CACNA1B: variants seen among roughly 807,000 people sequenced by gnomAD.
CACNA1B encodes calcium voltage-gated channel subunit alpha1 B, also known as voltage-dependent N-type calcium channel subunit alpha-1B.
In CACNA1B, 70 loss-of-function variants were observed where a neutral mutation model predicts 247.2. That is an observed-to-expected ratio of 0.28 (90% confidence interval 0.23 to 0.35). The LOEUF (loss-of-function observed/expected upper bound fraction) is 0.35, where lower values mean the gene tolerates loss of function less well. Ranked by LOEUF, CACNA1B falls within the 10% of genes least tolerant of loss-of-function variation. The pLI is 1.00. For synonymous variants in CACNA1B, 1,231 were observed against 1,294.4 expected, an observed-to-expected ratio of 0.95 and a Z score of 1.05; for missense variants, 2,367 against 3,197.4, an observed-to-expected ratio of 0.74 and a Z score of 6.26.
At position 138,047,426 on chromosome 9, in the gene CACNA1B, A is replaced by G; in HGVS notation, c.3571A>G (p.Thr1191Ala). 1 of 1,612,258 alleles carries G rather than the reference A, an allele frequency of 6.2e-7. No individual in the cohort carries two copies. The highest frequency in any genetic ancestry group is 8.5e-7 in the Non-Finnish European group (1 of 1,178,406). Residue 1191 changes from threonine (T) to alanine (A), a missense_variant, in exon 23 of 47, where the codon ACT becomes GCT. This residue lies in a region of CACNA1B where 436 missense variants were observed against 679.5 expected (regional missense o/e 0.64). Coordinates refer to ENST00000371372, the MANE Select transcript of CACNA1B (RefSeq NM_000718.4). ...TCTGAAATACCTGGATTACATTTTC[A>G]CTGGTGTCTTTACCTTTGAGATGGT... ...NALKYLDYIF[T>A]GVFTFEMVIK...
In CACNA1B at chr9:137,952,513, G is replaced by A. The variant is rs969020816; in HGVS notation, c.1070+136G>A. 3 of 699,518 alleles carry A rather than the reference G, an allele frequency of 4.3e-6. No homozygotes were observed. Among genetic ancestry groups the A allele is most frequent in the African/African-American group, 1.8e-5 (1 of 56,934 alleles). 43.3% of individuals were successfully genotyped at this position (699,518 alleles called of 1,614,324 possible). A position where few individuals can be genotyped will look rare whatever the true frequency, so the allele number is the denominator to read the frequency against. The stretch of plus-strand genomic sequence containing the variant: ...GTGGTGGTTGCCCCTGGTGTTCTGG[G>A]TTCTGGTAGCCCTTCCTTTGTGCCA... On this transcript the variant is annotated intron_variant, in intron 7 of 46. Transcript: ENST00000371372. This position sits in a 1 kb window ranked among gnomAD's most constrained non-coding sequence, Gnocchi z 4.8.
chr9:138,058,840 C>G lies in CACNA1B; in HGVS notation c.4473+107C>G. On this transcript the variant is annotated intron_variant, in intron 29 of 46. Transcript: ENST00000371372. This position sits in a 1 kb window ranked among gnomAD's most constrained non-coding sequence, Gnocchi z 4.7. ...TTCTTCCTCCCTGCATGAGCCAAAG[C>G]AGTAGTGGCCTTGCATCCTGGCCAG... 3 of 1,026,404 alleles carry G rather than the reference C, an allele frequency of 2.9e-6. No individual in the cohort carries two copies. The South Asian group carries it at 4.3e-5, about 15-fold the overall frequency. The allele number at this position is 1,026,404 out of a possible 1,614,324, so 63.6% of individuals were successfully genotyped here. A position where few individuals can be genotyped will look rare whatever the true frequency, so the allele number is the denominator to read the frequency against.
intron 20 of CACNA1B, among the ~76,000 whole-genome samples, chr9:138,027,594 G>A (rs77686711): frequency 0.01 from 1,587 of 152,252 alleles, 23 homozygotes; most frequent in African/African-American, 0.037. Flanking sequence ...GTCTGTTTGT[G>A]TGTGTGTAAA....
At chr9:138,077,500 G>A (rs1470890310) in intron 35 of CACNA1B, among the ~76,000 whole-genome samples, 1 of 152,152 alleles carries the variant, frequency 6.6e-6, no homozygotes, top group African/African-American at 2.4e-5. Flanking sequence ...TTTCTGATGA[G>A]CGAGGCAAGT....
chr9:138,048,711 A>G (rs1360261936), intron 23 of CACNA1B, among the ~76,000 whole-genome samples: 6 of 151,962 alleles, frequency 3.9e-5, no homozygotes, highest in Non-Finnish European at 8.8e-5. Context: ...CTATCTTTCT[A>G]GGTTTGTTTT....
rs1958833713 is a variant in CACNA1B at position 138,020,672 on chromosome 9, G to C, written c.2268-2339G>C. ...GGTGGAACCAGTGGGGCTGCGGGGG[G>C]CGGGCAGGTGCCCTAGCGTAGGCTG... On this transcript the variant is annotated intron_variant, in intron 18 of 46. Coordinates refer to ENST00000371372, the MANE Select transcript of CACNA1B (RefSeq NM_000718.4). The surrounding 1 kb of genome is among the most constrained non-coding windows in gnomAD (Gnocchi z 4.1). Among the ~76,000 whole-genome samples the C allele has an allele frequency of 6.6e-6, 1 of 152,188 alleles. No individual in the cohort carries two copies. Among genetic ancestry groups the C allele is most frequent in the South Asian group, 2.1e-4 (1 of 4,828 alleles).
chr9:137,916,213 A>T (rs577661149), intron 5 of CACNA1B, among the ~76,000 whole-genome samples: 11 of 151,830 alleles, frequency 7.2e-5, no homozygotes, highest in Middle Eastern at 6.8e-3. Context: ...TTTGTATTTT[A>T]GTACAGACAG....
intron 36 of CACNA1B, among the ~76,000 whole-genome samples, chr9:138,094,822 G>A (rs1961006239): frequency 6.6e-6 from 1 of 152,130 alleles, no homozygotes; most frequent in Non-Finnish European, 1.5e-5. Flanking sequence ...GTGCTAATGG[G>A]GGAAAGAATT....
intron 38 of CACNA1B, among the ~76,000 whole-genome samples, chr9:138,105,243 G>T (rs1388852179): frequency 2.0e-5 from 3 of 152,216 alleles, no homozygotes; most frequent in Non-Finnish European, 2.9e-5. Flanking sequence ...CCCCAGAGAG[G>T]CACCCTGGAC....
At chr9:138,066,807 A>G (rs1427942201) in intron 31 of CACNA1B, among the ~76,000 whole-genome samples, 1 of 152,230 alleles carries the variant, frequency 6.6e-6, no homozygotes, top group Non-Finnish European at 1.5e-5. Context: ...GTAAAAATTA[A>G]TGAGTTTAGC....
chr9:138,028,023 C>T lies in CACNA1B; in HGVS notation c.3286+2851C>T, dbSNP rs1225943493. Among the ~76,000 whole-genome samples, 130 of 98,754 alleles carry T rather than the reference C, an allele frequency of 1.3e-3. 1 individual carries two copies. Among genetic ancestry groups the T allele is most frequent in the Non-Finnish European group, 2.1e-3 (106 of 50,946 alleles). The allele number at this position is 98,754 out of a possible 152,430, so 64.8% of individuals were successfully genotyped here. On this transcript the variant is annotated intron_variant, in intron 20 of 46. Coordinates refer to ENST00000371372, the MANE Select transcript of CACNA1B (RefSeq NM_000718.4). ...GGTCTCATTTCCACTCCCCCCCAACCTTTTTTTTTTTTTTTTTTTTTTTTT... is the reference window on the plus strand; with the variant it reads ...GGTCTCATTTCCACTCCCCCCCAACTTTTTTTTTTTTTTTTTTTTTTTTTT...
At chr9:138,117,258 G>A (rs1034000556) in intron 42 of CACNA1B, among the ~76,000 whole-genome samples, 11 of 146,082 alleles carry the variant, frequency 7.5e-5, no homozygotes, top group African/African-American at 1.0e-4. Flanking sequence ...GCAGAGAGCC[G>A]AGGGATGGAA....
chr9:138,052,580 C>T lies in CACNA1B; in HGVS notation c.3807+392C>T, dbSNP rs918299246. 9.9e-5 allele frequency among the ~76,000 whole-genome samples: 15 copies of T among 152,186 alleles called. No homozygotes were observed. Among genetic ancestry groups the T allele is most frequent in the African/African-American group, 3.6e-4 (15 of 41,434 alleles). ...TCTGGATAAAGACAGAGAATAAACT[C>T]AAACTCATAGGGCCACGCTGAAACC... On this transcript the variant is annotated intron_variant, in intron 25 of 46. Coordinates refer to ENST00000371372, the MANE Select transcript of CACNA1B (RefSeq NM_000718.4). The surrounding 1 kb of genome is among the most constrained non-coding windows in gnomAD (Gnocchi z 5.1).
rs376349517 is a variant in CACNA1B, at chr9:137,971,343, C to T, written c.1334-40C>T. The T allele has an allele frequency of 1.5e-5, 22 of 1,478,228 alleles. No homozygotes were observed. Among genetic ancestry groups the T allele is most frequent in the South Asian group, 4.8e-5 (4 of 84,070 alleles). The allele number at this position is 1,478,228 out of a possible 1,614,324, so 91.6% of individuals were successfully genotyped here. A position where few individuals can be genotyped will look rare whatever the true frequency, so the allele number is the denominator to read the frequency against. On this transcript the variant is annotated intron_variant, in intron 10 of 46. Coordinates refer to ENST00000371372, the MANE Select transcript of CACNA1B (RefSeq NM_000718.4). The surrounding 1 kb of genome is among the most constrained non-coding windows in gnomAD (Gnocchi z 4.4). ...TCCACAGGTGGGGTAGGCGGGTGCC[C>T]ATTGGTCCCCACATCCTCAGTAACT...
chr9:137,911,467 G>T (rs1469834345), intron 3 of CACNA1B, among the ~76,000 whole-genome samples: 3 of 152,192 alleles, frequency 2.0e-5, no homozygotes, highest in African/African-American at 4.8e-5. Flanking sequence ...CCAGACTGGA[G>T]TGCAATGGCG....
chr9:138,110,992 C>A lies in CACNA1B; in HGVS notation c.5429-1406C>A, dbSNP rs563925281. Among the ~76,000 whole-genome samples the A allele has an allele frequency of 6.6e-5, 10 of 150,630 alleles. No homozygotes were observed. In the East Asian group the frequency reaches 1.4e-3, roughly 21 times the overall value. ...AATCCAGAATTTAAAAAAAAAAAAACCACAACGAGATTACACTCCAGTCTA... is the reference window on the plus strand; with the variant it reads ...AATCCAGAATTTAAAAAAAAAAAAAACACAACGAGATTACACTCCAGTCTA... On this transcript the variant is annotated intron_variant, in intron 39 of 46. Coordinates refer to ENST00000371372, the MANE Select transcript of CACNA1B (RefSeq NM_000718.4).
At chr9:137,943,874 T>C (rs888480628) in intron 6 of CACNA1B, among the ~76,000 whole-genome samples, 4 of 152,224 alleles carry the variant, frequency 2.6e-5, no homozygotes, top group Admixed American at 2.6e-4. Context: ...GCAAACCTCC[T>C]GGTTGCAGGC....
In CACNA1B at chr9:137,971,469, T is replaced by C. The variant is rs761373321; in HGVS notation, c.1420T>C (p.Phe474Leu). 1 of 1,613,638 alleles carries C rather than the reference T, an allele frequency of 6.2e-7. No individual in the cohort carries two copies. Among genetic ancestry groups the C allele is most frequent in the Non-Finnish European group, 8.5e-7 (1 of 1,179,726 alleles). ...FRRKEKMFRF[F>L]IRRMVKAQSF... is the part of the protein sequence containing the mutation. ...GAGGAAGGAGAAGATGTTCCGGTTT[T>C]TTATCCGGCGCATGGTGAAGGCTCA... The change falls in exon 11 of 47, where the codon TTT becomes CTT. Residue 474 changes from phenylalanine (F) to leucine (L), a missense_variant. Transcript: ENST00000371372. This position sits in a 1 kb window ranked among gnomAD's most constrained non-coding sequence, Gnocchi z 4.4.
At chr9:137,949,042 G>GCA in intron 6 of CACNA1B, among the ~76,000 whole-genome samples, 1 of 142,222 alleles carries the variant, frequency 7.0e-6, no homozygotes, top group African/African-American at 2.6e-5. Flanking sequence ...CGTGTGTGGT[G>GCA]TGTGTGTGGG....
Sources: gnomAD v4.1 joint callset for allele counts (sites outside exome capture counted in the v4.1 genomes callset) on GRCh38, gnomAD v4.1.1 for gene constraint, gnomAD v4.1.1 regional missense constraint, Gnocchi (gnomAD v3.1) non-coding constraint, MANE v1.5 for transcripts, NCBI Gene and HGNC (gene_info 2026-07-23, HGNC 2026-07-21) for gene names.